The following BAZ2B variants were observed in gnomAD, a reference collection of about 807,000 sequenced individuals.
BAZ2B encodes bromodomain adjacent to zinc finger domain 2B.
BAZ2B carries 91 observed loss-of-function variants against 246.0 expected under a neutral mutation model. That is an observed-to-expected ratio of 0.37 (90% CI 0.31 to 0.44). The LOEUF (loss-of-function observed/expected upper bound fraction) is 0.44, where lower values mean the gene tolerates loss of function less well. Ranked by LOEUF, BAZ2B falls within the 20% of genes least tolerant of loss-of-function variation. BAZ2B has a pLI of 1.00. For synonymous variants in BAZ2B, 855 were observed against 860.0 expected (o/e 0.99, Z 0.10); for missense variants, 2,332 against 2,533.7 (o/e 0.92, Z 1.71).
intron 27 of BAZ2B, among the ~76,000 whole-genome samples, chr2:159,352,723 C>T (rs766363467): frequency 6.6e-6 from 1 of 152,124 alleles, no homozygotes; most frequent in Non-Finnish European, 1.5e-5. Flanking sequence ...GAGCTCAAGC[C>T]ATCCACCTGC....
intron 2 of BAZ2B, among the ~76,000 whole-genome samples, chr2:159,497,470 C>T (rs1297129601): frequency 6.6e-6 from 1 of 152,140 alleles, no homozygotes; most frequent in African/African-American, 2.4e-5. Context: ...AACAGTGGGC[C>T]ACATGGTCCC....
At chr2:159,626,839 G>C in the BAZ2B span, among the ~76,000 whole-genome samples, 1 of 152,154 alleles carries the variant, frequency 6.6e-6, no homozygotes, top group African/African-American at 2.4e-5. Context: ...AAAGGAGATA[G>C]AGACATGAAA....
chr2:159,693,765 G>GT, the BAZ2B span: 1 of 150,824 alleles, frequency 6.6e-6, no homozygotes, highest in Non-Finnish European at 1.5e-5. Context: ...CTGGAGTACC[G>GT]TGACTATTCA....
intron 2 of BAZ2B, among the ~76,000 whole-genome samples, chr2:159,544,465 A>G (rs1265917241): frequency 1.3e-5 from 2 of 152,214 alleles, no homozygotes; most frequent in East Asian, 1.9e-4. Flanking sequence ...GTAGATGTTG[A>G]TATCATTGAC....
intron 31 of BAZ2B, among the ~76,000 whole-genome samples, chr2:159,340,375 ATAG>A (rs1267416814): frequency 6.6e-6 from 1 of 152,198 alleles, no homozygotes. Context: ...TAATGAAATA[ATAG>A]TAGAAAACTT....
chr2:159,518,742 G>T (rs1487514911), intron 2 of BAZ2B, among the ~76,000 whole-genome samples: 1 of 152,110 alleles, frequency 6.6e-6, no homozygotes, highest in East Asian at 1.9e-4. Flanking sequence ...ACATGAGAAA[G>T]ATGAAAACAC....
At chr2:159,503,681 G>T (rs2082058380) in intron 2 of BAZ2B, among the ~76,000 whole-genome samples, 1 of 152,052 alleles carries the variant, frequency 6.6e-6, no homozygotes, top group Non-Finnish European at 1.5e-5. Flanking sequence ...CCGGGTTCAA[G>T]CAATTCTCCT....
chr2:159,333,625 A>G (rs898209940), intron 33 of BAZ2B, among the ~76,000 whole-genome samples: 1 of 152,188 alleles, frequency 6.6e-6, no homozygotes, highest in Non-Finnish European at 1.5e-5. Flanking sequence ...TTAAAAATGA[A>G]AACATGTAAC....
At chr2:159,532,757 T>A in intron 2 of BAZ2B, among the ~76,000 whole-genome samples, 1 of 152,160 alleles carries the variant, frequency 6.6e-6, no homozygotes, top group East Asian at 1.9e-4. Flanking sequence ...AAGGATTCTG[T>A]GTCAAGATGT....
At chr2:159,414,646 GTCTCTAC>G (rs1346047280) in intron 13 of BAZ2B, among the ~76,000 whole-genome samples, 1 of 151,808 alleles carries the variant, frequency 6.6e-6, no homozygotes, top group Non-Finnish European at 1.5e-5. Flanking sequence ...GTGAAACCCC[GTCTCTAC>G]TAAAAACACA....
chr2:159,398,969 G>A, intron 17 of BAZ2B, 75 bp from the exon 18 acceptor site: 1 of 1,356,550 alleles, frequency 7.4e-7, no homozygotes, highest in African/African-American at 1.4e-5. Context: ...GACTTGAAAT[G>A]AAGCTACATG....
At chr2:159,343,241 C>T (rs1243350986) in intron 31 of BAZ2B, among the ~76,000 whole-genome samples, 1 of 152,160 alleles carries the variant, frequency 6.6e-6, no homozygotes, top group Non-Finnish European at 1.5e-5. Context: ...TAGACCCCCA[C>T]CTCTTATCCT....
intron 26 of BAZ2B, 119 bp downstream of exon 26, chr2:159,374,544 TCTGACAAAAATGCTATTCAGAATCTTCA>T: frequency 1.5e-6 from 1 of 656,142 alleles, no homozygotes; most frequent in Non-Finnish European, 2.6e-6. Flanking sequence ...TATTTTTTTT[TCTGACAAAAATGCTATTCAGAATCTTCA>T]TTTTTAATTA....
intron 27 of BAZ2B, among the ~76,000 whole-genome samples, chr2:159,351,270 C>A (rs2058533216): frequency 6.6e-6 from 1 of 151,850 alleles, no homozygotes. Flanking sequence ...TTGAATAATA[C>A]CCTGTAAACA....
intron 2 of BAZ2B, among the ~76,000 whole-genome samples, chr2:159,517,144 G>GA (rs937204167): frequency 2.7e-5 from 4 of 150,470 alleles, no homozygotes; most frequent in East Asian, 3.9e-4. Flanking sequence ...GGCAGTCTTT[G>GA]AAAAAAAAAT....
intron 6 of BAZ2B, 40 bp downstream of exon 6, chr2:159,446,742 A>C (rs368269135): frequency 2.0e-6 from 3 of 1,513,556 alleles, no homozygotes. Flanking sequence ...CATCTTATAT[A>C]TAGATCTGTT....
chr2:159,339,011 A>G (rs2066148645), intron 31 of BAZ2B, among the ~76,000 whole-genome samples: 1 of 152,182 alleles, frequency 6.6e-6, no homozygotes, highest in Non-Finnish European at 1.5e-5. Flanking sequence ...CTGAGATGCA[A>G]TAGGTATTTA....
chr2:159,590,898 G>A (rs1328812200), intron 1 of BAZ2B, among the ~76,000 whole-genome samples: 2 of 152,084 alleles, frequency 1.3e-5, no homozygotes, highest in Non-Finnish European at 1.5e-5. Context: ...TAGCCTTTAG[G>A]AATCATTTTT....
chr2:159,504,933 G>T (rs963444361), intron 2 of BAZ2B, among the ~76,000 whole-genome samples: 3 of 152,136 alleles, frequency 2.0e-5, no homozygotes, highest in Non-Finnish European at 4.4e-5. Context: ...AAACAAAGGT[G>T]CAGAGAGCAA....
Sources: allele counts gnomAD v4.1 joint callset (sites outside exome capture counted in the v4.1 genomes callset), GRCh38; gene constraint gnomAD v4.1.1; transcripts MANE v1.5; gene names NCBI Gene and HGNC (gene_info 2026-07-23, HGNC 2026-07-21).